RANBP2: variants seen among roughly 807,000 people sequenced by gnomAD.
RANBP2 encodes RAN binding protein 2.
RANBP2 carries 57 observed loss-of-function variants against 303.6 expected under a neutral mutation model. The ratio of observed to expected loss-of-function variants is 0.19; its 90% CI spans 0.15 to 0.23. RANBP2 has a LOEUF of 0.23. Ranked by LOEUF, RANBP2 falls within the 10% of genes least tolerant of loss-of-function variation. The pLI, the probability that RANBP2 is intolerant of heterozygous loss-of-function variation, is 1.00. For synonymous variants in RANBP2, 1,167 were observed against 1,301.5 expected, an observed-to-expected ratio of 0.90 and a Z score of 2.23; for missense variants, 3,138 against 3,780.8, an observed-to-expected ratio of 0.83 and a Z score of 4.46.
chr2:109,163,838 A>G, the RANBP2 span, among the ~76,000 whole-genome samples: 6 of 152,330 alleles, frequency 3.9e-5, no homozygotes, highest in South Asian at 2.1e-4. Flanking sequence ...TGTGTTTTCC[A>G]TGATCTCTCT....
chr2:108,759,444 C>T (rs987556183), intron 18 of RANBP2, among the ~76,000 whole-genome samples: 1 of 152,010 alleles, frequency 6.6e-6, no homozygotes, highest in Admixed American at 6.5e-5. Context: ...CAAAATTGTT[C>T]CTTTTACGTA....
the RANBP2 span, chr2:109,398,607 G>A: frequency 1.3e-6 from 2 of 1,576,412 alleles, no homozygotes; most frequent in Admixed American, 1.8e-5. Flanking sequence ...ACTCCGCCAA[G>A]CAGCTCATTG....
At chr2:109,314,150 CA>C in the RANBP2 span, among the ~76,000 whole-genome samples, 1 of 152,066 alleles carries the variant, frequency 6.6e-6, no homozygotes, top group African/African-American at 2.4e-5. Context: ...CTGCAGGTGC[CA>C]AGGTCGTGGT....
At chr2:109,511,814 TG>T in the RANBP2 span, among the ~76,000 whole-genome samples, 18 of 152,086 alleles carry the variant, frequency 1.2e-4, no homozygotes, top group East Asian at 3.5e-3. Context: ...AAATAAGGAA[TG>T]GGGGGTGGAC....
chr2:109,469,831 C>T, the RANBP2 span, among the ~76,000 whole-genome samples: 53 of 152,266 alleles, frequency 3.5e-4, no homozygotes, highest in African/African-American at 1.1e-3. Flanking sequence ...TTTTTCCAGC[C>T]GTTGGTTATG....
the RANBP2 span, among the ~76,000 whole-genome samples, chr2:109,283,110 A>G: frequency 6.6e-6 from 1 of 152,196 alleles, no homozygotes. Context: ...ATGATGGCAG[A>G]TGATCAATCC....
At chr2:108,884,557 T>A in the RANBP2 span, 2 of 152,176 alleles carry the variant, frequency 1.3e-5, no homozygotes, top group Non-Finnish European at 2.9e-5. Flanking sequence ...TTTTTGCTTG[T>A]TTCTTTGTGG....
the RANBP2 span, among the ~76,000 whole-genome samples, chr2:109,644,132 CA>C: frequency 4.1e-5 from 2 of 49,340 alleles, no homozygotes; most frequent in South Asian, 6.4e-4. Flanking sequence ...AAAAAAAAAA[CA>C]AAAAAACAAA....
At chr2:109,434,215 T>C in the RANBP2 span, among the ~76,000 whole-genome samples, 2 of 152,204 alleles carry the variant, frequency 1.3e-5, no homozygotes, top group African/African-American at 2.4e-5. Context: ...AGATGGCGGG[T>C]GTCCACACCT....
At chr2:108,913,888 T>C in the RANBP2 span, among the ~76,000 whole-genome samples, 1 of 142,092 alleles carries the variant, frequency 7.0e-6, no homozygotes, top group African/African-American at 2.6e-5. Flanking sequence ...AGGCGGAGCT[T>C]GCAGTGAGCT....
chr2:109,280,666 G>A, the RANBP2 span, among the ~76,000 whole-genome samples: 1 of 152,222 alleles, frequency 6.6e-6, no homozygotes, highest in Non-Finnish European at 1.5e-5. Flanking sequence ...GAGCATTCGG[G>A]TAATGTAAAC....
chr2:109,085,562 C>T, the RANBP2 span, among the ~76,000 whole-genome samples: 5 of 150,552 alleles, frequency 3.3e-5, no homozygotes, highest in African/African-American at 1.2e-4. Context: ...CTCAGCCTCC[C>T]AAAGTGCTGG....
At chr2:108,929,920 T>C in the RANBP2 span, among the ~76,000 whole-genome samples, 20 of 152,230 alleles carry the variant, frequency 1.3e-4, no homozygotes, top group Admixed American at 1.0e-3. Context: ...AAAATCTGTT[T>C]ATGAATGCTT....
At chr2:108,896,323 A>T in the RANBP2 span, 1 of 154,572 alleles carries the variant, frequency 6.5e-6, no homozygotes, top group Non-Finnish European at 1.4e-5. Context: ...TAATACCTGG[A>T]GCAGGGTGTC....
intron 15 of RANBP2, among the ~76,000 whole-genome samples, chr2:108,754,459 T>A (rs2149237426): frequency 6.6e-6 from 1 of 150,962 alleles, no homozygotes. Flanking sequence ...GATTAATTTG[T>A]GTTACTACTC....
the RANBP2 span, among the ~76,000 whole-genome samples, chr2:109,119,281 A>T: frequency 6.6e-6 from 1 of 152,186 alleles, no homozygotes; most frequent in African/African-American, 2.4e-5. Flanking sequence ...TCTCTCTCAC[A>T]AGGAAGGGAC....
the RANBP2 span, chr2:108,882,661 TC>T: frequency 1.3e-5 from 2 of 152,324 alleles, no homozygotes; most frequent in African/African-American, 4.8e-5. Context: ...CCATCCCCTT[TC>T]CTTTTCAGGT....
the RANBP2 span, among the ~76,000 whole-genome samples, chr2:109,299,706 A>C: frequency 6.6e-6 from 1 of 152,172 alleles, no homozygotes; most frequent in Non-Finnish European, 1.5e-5. Context: ...CTAAATAATC[A>C]GGGGGATAAA....
At chr2:109,057,595 TG>T in the RANBP2 span, among the ~76,000 whole-genome samples, 2 of 152,222 alleles carry the variant, frequency 1.3e-5, no homozygotes, top group Middle Eastern at 3.2e-3. Flanking sequence ...TTGGGCCATT[TG>T]TGGCCAGTAA....
Sources: gnomAD v4.1 joint callset for allele counts (sites outside exome capture counted in the v4.1 genomes callset) on GRCh38, gnomAD v4.1.1 for gene constraint, MANE v1.5 for transcripts, NCBI Gene and HGNC (gene_info 2026-07-23, HGNC 2026-07-21) for gene names.